Variants in ASTN1 observed in about 807,000 individuals in gnomAD.
ASTN1 encodes the protein astrotactin 1, also known as astrotactin-1.
A neutral mutation model predicts 140.7 loss-of-function variants in ASTN1; 41 were observed. The observed-to-expected ratio is 0.29, with a 90% CI of 0.23 to 0.38. The LOEUF (loss-of-function observed/expected upper bound fraction) is 0.38. ASTN1 is among the 10% of genes least tolerant of loss of function. The pLI, the probability that ASTN1 is intolerant of heterozygous loss-of-function variation, is 1.00. For missense variants in ASTN1, 1,479 were observed against 1,678.8 expected (o/e 0.88, Z 2.08); for synonymous variants, 640 against 652.2 (o/e 0.98, Z 0.29).
chr1:176,999,661 C>T (rs1030142534), intron 8 of ASTN1, among the ~76,000 whole-genome samples: 14 of 152,098 alleles, frequency 9.2e-5, no homozygotes, highest in African/African-American at 3.4e-4. Context: ...GCTGTGTCCC[C>T]ACCCAAAATG....
In ASTN1 at chr1:177,053,984, G is replaced by T. The variant is rs555462301; in HGVS notation, c.471+7094C>A. On this transcript the variant is annotated intron_variant, in intron 2 of 22. Coordinates refer to ENST00000361833, the MANE Select transcript of ASTN1 (RefSeq NM_004319.3). ...TTATTAGTGTCAAAGTAAAAATGGA[G>T]TAAAGTGTCAGATGAATCTCAGCAG... Among the ~76,000 whole-genome samples the T allele has an allele frequency of 3.3e-5, 5 of 152,332 alleles. No individual in the cohort carries two copies. In the South Asian group the frequency reaches 1.0e-3, roughly 32 times the overall value.
intron 1 of ASTN1, among the ~76,000 whole-genome samples, chr1:177,150,648 C>T (rs1267966628): frequency 6.6e-6 from 1 of 151,956 alleles, no homozygotes; most frequent in East Asian, 1.9e-4. Flanking sequence ...CCAGTTTCAG[C>T]GTTGAAGAAT....
intron 8 of ASTN1, among the ~76,000 whole-genome samples, chr1:177,003,317 G>A (rs1674829534): frequency 6.6e-6 from 1 of 150,616 alleles, no homozygotes; most frequent in African/African-American, 2.4e-5. Flanking sequence ...TTCATCCTAG[G>A]GATGCAGAAA....
Position 176,864,451 on chromosome 1 carries a change from T to G in ASTN1, c.3718A>C (p.Lys1240Gln). Residue 1240 changes from lysine to glutamine, a missense_variant, in exon 23 of 23, where the codon AAG (lysine) becomes CAG (glutamine). This residue lies in a region of ASTN1 where 746 missense variants were observed against 800.9 expected (regional missense o/e 0.93). Transcript: ENST00000361833. ...AGTGAGCTGCGCCGCAAGCTTATCT[T>G]GGGTTCCTGAAGGAGTCCATTGCAC... ...SWCNGLLQEP[K>Q]ISLRRSSLKY... The G allele has an allele frequency of 6.2e-7, 1 of 1,614,150 alleles. No individual in the cohort carries two copies. Among genetic ancestry groups the G allele is most frequent in the Non-Finnish European group, 8.5e-7 (1 of 1,180,016 alleles).
chr1:177,032,331 G>T, intron 3 of ASTN1, 125 bp downstream of exon 3: 1 of 1,306,734 alleles, frequency 7.7e-7, no homozygotes, highest in Non-Finnish European at 1.1e-6. Context: ...TGCCTATCTA[G>T]GGAAGGGCAC....
Position 176,862,409 on chromosome 1 carries a change from C to T in ASTN1, c.*1875G>A. On this transcript the variant is annotated 3_prime_UTR_variant, in exon 23 of 23. Coordinates refer to ENST00000361833, the MANE Select transcript of ASTN1 (RefSeq NM_004319.3). ...TAGGGGTCCCAAGGGTGCTCTAGCT[C>T]CAAAGGCTAAGGGCGTACTTTCGCC... 4.1e-6 allele frequency: 4 copies of T among 985,446 alleles called. No individual in the cohort carries two copies. The highest frequency in any genetic ancestry group is 4.8e-6 in the Non-Finnish European group (4 of 829,976). 61.0% of individuals were successfully genotyped at this position (985,446 alleles called of 1,614,324 possible). A position where few individuals can be genotyped will look rare whatever the true frequency, so the allele number is the denominator to read the frequency against.
chr1:176,926,157 A>G (rs1342038460), intron 16 of ASTN1, among the ~76,000 whole-genome samples: 3 of 152,076 alleles, frequency 2.0e-5, no homozygotes, highest in Non-Finnish European at 2.9e-5. Flanking sequence ...CTGTGACCAC[A>G]TGCACATCAT....
chr1:176,928,012 G>A (rs574037588), intron 16 of ASTN1, among the ~76,000 whole-genome samples: 55 of 151,794 alleles, frequency 3.6e-4, no homozygotes, highest in African/African-American at 1.1e-3. Flanking sequence ...CTATAAATAT[G>A]CATGTTTGTA....
rs80338177 is a variant in ASTN1 at position 177,102,372 on chromosome 1, C to T, written c.284-41107G>A. Among the ~76,000 whole-genome samples, 637 of 152,238 alleles carry T rather than the reference C, an allele frequency of 4.2e-3. 4 individuals carry two copies. Among genetic ancestry groups the T allele is most frequent in the African/African-American group, 0.015 (620 of 41,542 alleles). On this transcript the variant is annotated intron_variant, in intron 1 of 22. Transcript: ENST00000361833. ...GATAAAACCTATGCAGGTTATACTGCTAGTAAGGAAAGAAGAATTCAAATT... is the reference window on the plus strand; with the variant it reads ...GATAAAACCTATGCAGGTTATACTGTTAGTAAGGAAAGAAGAATTCAAATT...
intron 2 of ASTN1, among the ~76,000 whole-genome samples, chr1:177,056,477 A>AT (rs929658402): frequency 6.6e-6 from 1 of 151,818 alleles, no homozygotes; most frequent in Non-Finnish European, 1.5e-5. Flanking sequence ...GGCTACTAAG[A>AT]TTTTTTTCCC....
intron 16 of ASTN1, among the ~76,000 whole-genome samples, chr1:176,927,859 A>C (rs1310994345): frequency 6.6e-6 from 1 of 152,190 alleles, no homozygotes; most frequent in Non-Finnish European, 1.5e-5. Flanking sequence ...AATCTTTTAA[A>C]AGAGTTTTAT....
At chr1:177,159,321 G>T (rs1172829391) in intron 1 of ASTN1, among the ~76,000 whole-genome samples, 1 of 152,146 alleles carries the variant, frequency 6.6e-6, no homozygotes, top group Non-Finnish European at 1.5e-5. Flanking sequence ...CCTTAGGATT[G>T]CTAGCATTCA....
Position 176,886,617 on chromosome 1 carries a change from T to G in ASTN1, c.3074+1454A>C, listed in dbSNP as rs945090672. ...AACCACCTACAGAGAGAAGACAGACTGTGGACAAGAGAAGAAATTGGCTTG... is the reference window on the plus strand; with the variant it reads ...AACCACCTACAGAGAGAAGACAGACGGTGGACAAGAGAAGAAATTGGCTTG... On this transcript the variant is annotated intron_variant, in intron 18 of 22. Coordinates refer to ENST00000361833, the MANE Select transcript of ASTN1 (RefSeq NM_004319.3). Among the ~76,000 whole-genome samples the G allele has an allele frequency of 2.0e-5, 3 of 152,224 alleles. No individual in the cohort carries two copies. The South Asian group carries it at 6.2e-4, about 32-fold the overall frequency.
intron 11 of ASTN1, among the ~76,000 whole-genome samples, chr1:176,952,662 A>G (rs1287876831): frequency 6.6e-6 from 1 of 152,182 alleles, no homozygotes; most frequent in African/African-American, 2.4e-5. Flanking sequence ...ATAGCTAAGT[A>G]CAAAGAAACC....
intron 16 of ASTN1, among the ~76,000 whole-genome samples, chr1:176,904,762 A>G (rs1669914674): frequency 6.6e-6 from 1 of 152,134 alleles, no homozygotes; most frequent in Admixed American, 6.5e-5. Context: ...GGAGCCTGGA[A>G]AGCTCTCAGG....
intron 9 of ASTN1, among the ~76,000 whole-genome samples, chr1:176,961,869 C>T (rs1571572656): frequency 6.6e-6 from 1 of 152,150 alleles, no homozygotes; most frequent in Admixed American, 6.5e-5. Flanking sequence ...TCTCTGGAGA[C>T]AGCTGGTGCT....
At chr1:176,864,567 G>T (rs764185818) in intron 22 of ASTN1, 46 bp from the exon 23 acceptor site, 7 of 1,600,170 alleles carry the variant, frequency 4.4e-6, no homozygotes, top group East Asian at 2.2e-5. Flanking sequence ...AGAAGAGAGG[G>T]TCTGGATGAG....
At chr1:177,111,906 G>T (rs1230819172) in intron 1 of ASTN1, among the ~76,000 whole-genome samples, 1 of 152,148 alleles carries the variant, frequency 6.6e-6, no homozygotes, top group African/African-American at 2.4e-5. Flanking sequence ...ATCCACAGGG[G>T]TCGGCAACAC....
intron 16 of ASTN1, among the ~76,000 whole-genome samples, chr1:176,933,622 C>G (rs1165046998): frequency 6.6e-6 from 1 of 152,184 alleles, no homozygotes; most frequent in African/African-American, 2.4e-5. Flanking sequence ...ATTTGTGAGG[C>G]TGTTATTCAG....
Sources: gnomAD v4.1 joint callset for allele counts (sites outside exome capture counted in the v4.1 genomes callset) on GRCh38, gnomAD v4.1.1 for gene constraint, gnomAD v4.1.1 regional missense constraint, MANE v1.5 for transcripts, NCBI Gene and HGNC (gene_info 2026-07-23, HGNC 2026-07-21) for gene names.